HEATR5A: variants seen among roughly 807,000 people sequenced by gnomAD.
HEATR5A encodes the protein HEAT repeat containing 5A, also known as HEAT repeat-containing protein 5A.
Under a neutral mutation model 218.8 loss-of-function variants are expected in HEATR5A, and 178 were observed. That is an observed-to-expected ratio of 0.81 (90% CI 0.72 to 0.92). The LOEUF (loss-of-function observed/expected upper bound fraction) is 0.92, where lower values mean the gene tolerates loss of function less well. HEATR5A is among the 40% of genes least tolerant of loss of function. The pLI is 0.00. For synonymous variants in HEATR5A, 864 were observed against 871.6 expected (o/e 0.99, Z 0.15); for missense variants, 2,420 against 2,418.9 (o/e 1.00, Z -0.01).
chr14:31,387,426 A>T, intron 7 of HEATR5A, 51 bp from the exon 8 acceptor site: 1 of 1,295,074 alleles, frequency 7.7e-7, no homozygotes, highest in Non-Finnish European at 1.1e-6. Flanking sequence ...TCAATTCTGT[A>T]TTCTCCCCCA....
chr14:31,395,386 T>G, intron 4 of HEATR5A, 38 bp from the exon 5 acceptor site: 3 of 1,195,452 alleles, frequency 2.5e-6, no homozygotes, highest in Non-Finnish European at 3.5e-6. Flanking sequence ...GAAAAATAAT[T>G]AAACTGCAAA....
chr14:31,376,020 C>T (rs1902214871), intron 11 of HEATR5A, among the ~76,000 whole-genome samples: 1 of 152,132 alleles, frequency 6.6e-6, no homozygotes, highest in Non-Finnish European at 1.5e-5. Context: ...TCTTCTGTTC[C>T]AAACCCATAG....
chr14:31,334,176 T>C (rs571076924), intron 22 of HEATR5A: 231 of 249,636 alleles, frequency 9.3e-4, no homozygotes, highest in African/African-American at 4.9e-3. Flanking sequence ...ATTTTCAAAA[T>C]ATTACTGCTC....
At chr14:31,320,471 TG>T in intron 25 of HEATR5A, 1 of 1,362,176 alleles carries the variant, frequency 7.3e-7, no homozygotes, top group Non-Finnish European at 1.0e-6. Flanking sequence ...AACACTGGTC[TG>T]GAACTCCCGT....
At position 31,345,261 on chromosome 14, in the gene HEATR5A, A is replaced by C. The variant is rs1218905241; in HGVS notation, c.2884T>G (p.Ser962Ala). 6.2e-7 allele frequency: 1 copy of C among 1,610,972 alleles called. No homozygotes were observed. Among genetic ancestry groups the C allele is most frequent in the Non-Finnish European group, 8.5e-7 (1 of 1,178,070 alleles). The change falls in exon 20 of 36, where the codon TCT becomes GCT. Residue 962 changes from serine (S) to alanine (A), a missense_variant. Coordinates refer to ENST00000543095, the MANE Select transcript of HEATR5A (RefSeq NM_015473.4). ...GCAGAATCAATGATCAATGATAGAG[A>C]ATGTAATGCCCAGGTCTGTAATGAC... ...SPDVQTWALH[S>A]LSLIIDSAGP... is the part of the protein sequence containing the mutation.
chr14:31,305,365 C>T (rs747390071), intron 31 of HEATR5A, among the ~76,000 whole-genome samples, 188 bp from the exon 32 acceptor site: 9 of 152,088 alleles, frequency 5.9e-5, no homozygotes, highest in African/African-American at 9.7e-5. Context: ...CAGTTTCAAG[C>T]GATTCTTCTG....
intron 1 of HEATR5A, among the ~76,000 whole-genome samples, chr14:31,414,722 C>T (rs1047866240): frequency 3.9e-5 from 6 of 152,160 alleles, no homozygotes; most frequent in Non-Finnish European, 8.8e-5. Context: ...TTCCTTTTCC[C>T]TCTCCTCTAA....
intron 2 of HEATR5A, among the ~76,000 whole-genome samples, chr14:31,400,968 T>C (rs1381006243): frequency 6.6e-6 from 1 of 151,510 alleles, no homozygotes; most frequent in Non-Finnish European, 1.5e-5. Context: ...GCCTCCCGAG[T>C]AGCTGGGACT....
At chr14:31,309,273 T>G (rs575074043) in intron 28 of HEATR5A, 91 bp from the exon 29 acceptor site, 166 of 1,397,576 alleles carry the variant, frequency 1.2e-4, no homozygotes, top group Middle Eastern at 3.9e-4. Flanking sequence ...TTTCCATCAC[T>G]CCGAAAGTTC....
intron 11 of HEATR5A, among the ~76,000 whole-genome samples, chr14:31,375,330 C>T (rs766538196): frequency 5.3e-5 from 8 of 152,156 alleles, no homozygotes; most frequent in Non-Finnish European, 1.0e-4. Context: ...CTTTAAAGTA[C>T]TCTGAAAAGC....
intron 34 of HEATR5A, chr14:31,295,553 CTTTCTTTTTT>C (rs1899159597): frequency 6.6e-6 from 1 of 150,584 alleles, no homozygotes; most frequent in African/African-American, 2.7e-5. Context: ...CCTGGCCTCC[CTTTCTTTTTT>C]TTTTTTTTTT....
chr14:31,350,688 CT>C lies in HEATR5A; in HGVS notation c.2440del (p.Ser814ValfsTer2), dbSNP rs1271107997. The C allele has an allele frequency of 6.3e-7, 1 of 1,595,132 alleles. No homozygotes were observed. Among genetic ancestry groups the C allele is most frequent in the Non-Finnish European group, 8.6e-7 (1 of 1,167,334 alleles). ...ACGAGCTCCTTTTGTGTGCTTTATACTGTCCAAAAGCTGTTCCAATATAAGA... is the reference window on the plus strand; with the variant it reads ...ACGAGCTCCTTTTGTGTGCTTTATACGTCCAAAAGCTGTTCCAATATAAGA... ...RLLILEQLLD[S>X]IKHTKGARQQ... is the part of the protein sequence containing the mutation. On this transcript the variant is annotated frameshift_variant, in exon 17 of 36. Coordinates refer to ENST00000543095, the MANE Select transcript of HEATR5A (RefSeq NM_015473.4). LOFTEE classifies it high-confidence loss of function.
rs747781432 is a variant in HEATR5A, at chr14:31,321,573, CAACT to C, written c.3891_3894del (p.Val1298LeufsTer17). 1.1e-5 allele frequency: 17 copies of C among 1,608,014 alleles called. No individual in the cohort carries two copies. The highest frequency in any genetic ancestry group is 1.4e-5 in the Non-Finnish European group (17 of 1,177,302). The stretch of plus-strand genomic sequence containing the variant: ...GGAACAGTTGCAAATCGCCGAATAA[CAACT>C]AACAGCATTTCAAGGCCAGAAAGAC... On this transcript the variant is annotated frameshift_variant, in exon 25 of 36. Transcript: ENST00000543095. LOFTEE classifies it high-confidence loss of function.
At chr14:31,330,940 C>CTTTTTT (rs764303670) in intron 22 of HEATR5A, among the ~76,000 whole-genome samples, 2 of 75,954 alleles carry the variant, frequency 2.6e-5, no homozygotes, top group East Asian at 3.6e-4. Flanking sequence ...CTTCCCTCAC[C>CTTTTTT]TTTTTTTTTT....
At chr14:31,322,077 T>C (rs1595095422) in intron 24 of HEATR5A, among the ~76,000 whole-genome samples, 1 of 152,208 alleles carries the variant, frequency 6.6e-6, no homozygotes. Flanking sequence ...ATAATGTTCC[T>C]TTAAAAAAAA....
chr14:31,393,722 C>T (rs1290127140), intron 6 of HEATR5A, among the ~76,000 whole-genome samples: 5 of 151,820 alleles, frequency 3.3e-5, no homozygotes, highest in Non-Finnish European at 1.5e-5. Flanking sequence ...GTGGCGCAAT[C>T]TCAGCTCACT....
rs1191468541 is a variant in HEATR5A, at chr14:31,319,682, G to C, written c.3970-1390C>G. Among the ~76,000 whole-genome samples, 10 of 152,220 alleles carry C rather than the reference G, an allele frequency of 6.6e-5. No homozygotes were observed. The East Asian group carries it at 1.9e-3, about 29-fold the overall frequency. The stretch of plus-strand genomic sequence containing the variant: ...AGCTAATGATTTTGTTATCTTCCTT[G>C]TTCTTCTTAAATTGTTCAATGGACC... On this transcript the variant is annotated intron_variant, in intron 25 of 35. Transcript: ENST00000543095.
At chr14:31,323,504 A>C in intron 24 of HEATR5A, 61 bp downstream of exon 24, 1 of 1,338,100 alleles carries the variant, frequency 7.5e-7, no homozygotes. Flanking sequence ...AAATATTAAA[A>C]CCATAAGCAG....
intron 32 of HEATR5A, among the ~76,000 whole-genome samples, chr14:31,304,500 C>T (rs1372255870): frequency 6.6e-6 from 1 of 152,130 alleles, no homozygotes; most frequent in East Asian, 1.9e-4. Flanking sequence ...TCACTGCAAC[C>T]TCCGCCTCCC....
Sources: gnomAD v4.1 joint callset for allele counts (sites outside exome capture counted in the v4.1 genomes callset) on GRCh38, gnomAD v4.1.1 for gene constraint, MANE v1.5 for transcripts, NCBI Gene and HGNC (gene_info 2026-07-23, HGNC 2026-07-21) for gene names.